The following BTBD7 variants were observed in gnomAD, a reference collection of about 807,000 sequenced individuals.
BTBD7 encodes the protein BTB domain containing 7.
A neutral mutation model predicts 99.9 loss-of-function variants in BTBD7; 38 were observed. The observed-to-expected ratio is 0.38, with a 90% CI of 0.29 to 0.50. The LOEUF is 0.50. Ranked by LOEUF, BTBD7 falls within the 20% of genes least tolerant of loss-of-function variation. The pLI, the probability that BTBD7 is intolerant of heterozygous loss-of-function variation, is 0.93. For synonymous variants in BTBD7, 520 were observed against 511.4 expected (o/e 1.02, Z -0.23); for missense variants, 1,170 against 1,394.6 (o/e 0.84, Z 2.57).
intron 1 of BTBD7, 133 bp downstream of exon 1, chr14:93,332,687 G>A: frequency 2.4e-6 from 3 of 1,250,920 alleles, no homozygotes; most frequent in Middle Eastern, 2.4e-4. Flanking sequence ...GCGCCCCAGC[G>A]CCTCCCGCGG....
At chr14:93,303,472 A>T (rs904819796) in intron 1 of BTBD7, among the ~76,000 whole-genome samples, 2 of 152,088 alleles carry the variant, frequency 1.3e-5, no homozygotes. Flanking sequence ...AATAAAAAAG[A>T]TAATATGGAC....
intron 1 of BTBD7, among the ~76,000 whole-genome samples, chr14:93,318,048 T>A (rs1270618203): frequency 6.6e-6 from 1 of 152,218 alleles, no homozygotes; most frequent in African/African-American, 2.4e-5. Flanking sequence ...GCTTTGTATT[T>A]TTTTTGCTGT....
intron 10 of BTBD7, chr14:93,244,229 A>G (rs1195719068): frequency 9.1e-6 from 3 of 329,412 alleles, no homozygotes; most frequent in Admixed American, 6.7e-5. Flanking sequence ...GCTGAGCTCA[A>G]CTGCAGATCT....
chr14:93,262,121 CACACCCAGCTAATTT>C (rs1406728813), intron 4 of BTBD7, among the ~76,000 whole-genome samples: 1 of 150,326 alleles, frequency 6.7e-6, no homozygotes, highest in Non-Finnish European at 1.5e-5. Flanking sequence ...TATGTGCTAC[CACACCCAGCTAATTT>C]TTTTTTTTTT....
chr14:93,274,240 G>A (rs986701807), intron 3 of BTBD7, among the ~76,000 whole-genome samples: 1 of 152,244 alleles, frequency 6.6e-6, no homozygotes, highest in African/African-American at 2.4e-5. Flanking sequence ...CACACAAACT[G>A]ATCTGAGTGA....
In BTBD7 at chr14:93,294,745, C is replaced by A; in HGVS notation, c.275G>T (p.Gly92Val). Residue 92 changes from glycine to valine, a missense_variant, in exon 3 of 11, where the codon GGG (glycine) becomes GTG (valine). Around this residue, in one of 4 missense-constraint regions of BTBD7, gnomAD observed 359 missense variants for 497.9 expected, o/e 0.72. Transcript: ENST00000334746. ...HAKQMRELLS[G>V]WDVRDVNALV... The stretch of plus-strand genomic sequence containing the variant: ...TGCATTGACATCTCTAACATCCCAC[C>A]CAGAGAGGAGTTCTCGCATCTGCTT... 1 of 1,613,958 alleles carries A rather than the reference C, an allele frequency of 6.2e-7. No homozygotes were observed. Among genetic ancestry groups the A allele is most frequent in the Non-Finnish European group, 8.5e-7 (1 of 1,180,004 alleles).
At chr14:93,332,487 G>A (rs2053450622) in intron 1 of BTBD7, 1 of 169,512 alleles carries the variant, frequency 5.9e-6, no homozygotes, top group Non-Finnish European at 1.3e-5. Flanking sequence ...TCGGCGCCCG[G>A]AGCCCAAAGC....
chr14:93,279,742 T>G (rs1414297119), intron 3 of BTBD7, among the ~76,000 whole-genome samples: 1 of 152,160 alleles, frequency 6.6e-6, no homozygotes, highest in Non-Finnish European at 1.5e-5. Context: ...GAGACAAGGT[T>G]TCACCATGTT....
At chr14:93,287,124 G>A (rs1404687626) in intron 3 of BTBD7, among the ~76,000 whole-genome samples, 1 of 151,866 alleles carries the variant, frequency 6.6e-6, no homozygotes, top group Non-Finnish European at 1.5e-5. Context: ...AGCTACTTGT[G>A]AGGCTGAGGC....
chr14:93,300,061 T>G (rs1210735244), intron 1 of BTBD7, among the ~76,000 whole-genome samples: 2 of 152,126 alleles, frequency 1.3e-5, no homozygotes, highest in Non-Finnish European at 2.9e-5. Context: ...CTGTGGGAGT[T>G]AAGGTATCTA....
At chr14:93,244,274 C>A in intron 10 of BTBD7, 1 of 277,812 alleles carries the variant, frequency 3.6e-6, no homozygotes, top group Non-Finnish European at 7.2e-6. Context: ...TGCAAGCATG[C>A]TGAACCCAGA....
chr14:93,327,418 G>T (rs1343954620), intron 1 of BTBD7, among the ~76,000 whole-genome samples: 1 of 152,136 alleles, frequency 6.6e-6, no homozygotes, highest in African/African-American at 2.4e-5. Context: ...AATAACTATA[G>T]TATTATTTTT....
intron 1 of BTBD7, among the ~76,000 whole-genome samples, chr14:93,330,329 CTTCT>C (rs1595348579): frequency 6.6e-6 from 1 of 152,168 alleles, no homozygotes; most frequent in Non-Finnish European, 1.5e-5. Context: ...TCCTAGTCTC[CTTCT>C]ATTTCCCTCC....
chr14:93,301,366 T>C (rs1208587541), intron 1 of BTBD7, among the ~76,000 whole-genome samples: 3 of 152,126 alleles, frequency 2.0e-5, no homozygotes, highest in Non-Finnish European at 4.4e-5. Context: ...TAATTTTCTA[T>C]TTTTAGTAAA....
At chr14:93,321,927 T>C (rs1004748553) in intron 1 of BTBD7, among the ~76,000 whole-genome samples, 2 of 152,126 alleles carry the variant, frequency 1.3e-5, no homozygotes, top group Non-Finnish European at 2.9e-5. Flanking sequence ...GCCAAAATAA[T>C]GCTCCAAACA....
chr14:93,297,745 T>C (rs1490011382), intron 1 of BTBD7, among the ~76,000 whole-genome samples: 4 of 152,224 alleles, frequency 2.6e-5, no homozygotes, highest in Admixed American at 2.6e-4. Context: ...GCCAAGTTTG[T>C]GGCCTCATTT....
At chr14:93,284,471 TA>T (rs1659429516) in intron 3 of BTBD7, among the ~76,000 whole-genome samples, 1 of 151,552 alleles carries the variant, frequency 6.6e-6, no homozygotes, top group African/African-American at 2.4e-5. Flanking sequence ...TTTTTTTTTT[TA>T]AAGAAAAGGT....
intron 10 of BTBD7, 128 bp from the exon 11 acceptor site, chr14:93,243,216 C>CAA: frequency 1.2e-6 from 1 of 866,818 alleles, no homozygotes; most frequent in Non-Finnish European, 1.7e-6. Flanking sequence ...TTTTTTGAGA[C>CAA]AGAGTCTCGC....
Position 93,257,263 on chromosome 14 carries a change from A to G in BTBD7, c.1540T>C (p.Ser514Pro). Residue 514 changes from serine (S) to proline (P), a missense_variant, in exon 6 of 11, where the codon TCT becomes CCT. Ser to Pro is a moderately conservative substitution (Grantham distance 74). Coordinates refer to ENST00000334746, the MANE Select transcript of BTBD7 (RefSeq NM_001002860.4). Reference sequence around the variant, plus strand: ...ATTCGCACAAAAGGTAAGAGAGAAGAAAGGATCTCTCTGAGCTCTTCCATG... The same window carrying G: ...ATTCGCACAAAAGGTAAGAGAGAAGGAAGGATCTCTCTGAGCTCTTCCATG... ...LDMEELREIL[S>P]SLLPFVRIEH... 1 of 1,614,026 alleles carries G rather than the reference A, an allele frequency of 6.2e-7. No individual in the cohort carries two copies. The highest frequency in any genetic ancestry group is 1.6e-4 in the Middle Eastern group (1 of 6,062).
Sources: gnomAD v4.1 joint callset for allele counts (sites outside exome capture counted in the v4.1 genomes callset) on GRCh38, gnomAD v4.1.1 for gene constraint, gnomAD v4.1.1 regional missense constraint, MANE v1.5 for transcripts, NCBI Gene and HGNC (gene_info 2026-07-23, HGNC 2026-07-21) for gene names.